The following KLF8 variants were observed in gnomAD, a reference collection of about 807,000 sequenced individuals.
The protein encoded by KLF8 is Krueppel-like factor 8.
A neutral mutation model predicts 18.2 loss-of-function variants in KLF8; 10 were observed. That is an observed-to-expected ratio of 0.55 (90% CI 0.34 to 0.93). The LOEUF (loss-of-function observed/expected upper bound fraction) is 0.93, where lower values mean the gene tolerates loss of function less well. Among genes scored for constraint, KLF8 ranks in the 40% least tolerant of loss-of-function variants. KLF8 has a pLI of 0.02. For missense variants in KLF8, 264 were observed against 277.9 expected (o/e 0.95, Z 0.36); for synonymous variants, 109 against 97.3 (o/e 1.12, Z -0.71).
chrX:56,003,812 A>G, the KLF8 span, among the ~76,000 whole-genome samples: 1 of 111,978 alleles, frequency 8.9e-6, no homozygotes, highest in Non-Finnish European at 1.9e-5. Context: ...ATGGGCTTCT[A>G]CTTCTTCTTA....
At chrX:55,994,923 T>C in the KLF8 span, among the ~76,000 whole-genome samples, 1 of 112,023 alleles carries the variant, frequency 8.9e-6, no homozygotes, top group South Asian at 3.7e-4. Context: ...TGAAGTCTGT[T>C]AGGTTCATTT....
the KLF8 span, among the ~76,000 whole-genome samples, chrX:56,125,112 C>T: frequency 8.9e-6 from 1 of 111,861 alleles, no homozygotes; most frequent in Non-Finnish European, 1.9e-5. Flanking sequence ...CTTTTTCCAC[C>T]TGCACTTTTA....
chrX:56,276,153 G>T (rs1369855809), intron 5 of KLF8, among the ~76,000 whole-genome samples: 3 of 92,140 alleles, frequency 3.3e-5, no homozygotes, highest in African/African-American at 1.2e-4. Flanking sequence ...CCCGCACCTC[G>T]CCCCCGAAAC....
the KLF8 span, among the ~76,000 whole-genome samples, chrX:56,077,563 A>C: frequency 8.9e-6 from 1 of 112,108 alleles, no homozygotes; most frequent in South Asian, 3.7e-4. Flanking sequence ...TATAGTTTGA[A>C]GTCAGGTAGC....
the KLF8 span, among the ~76,000 whole-genome samples, chrX:56,011,109 G>A: frequency 8.9e-6 from 1 of 111,958 alleles, no homozygotes; most frequent in Non-Finnish European, 1.9e-5. Context: ...CTTAGCTCTG[G>A]ATCAAGTGGA....
At chrX:56,001,761 G>T in the KLF8 span, among the ~76,000 whole-genome samples, 3 of 111,707 alleles carry the variant, frequency 2.7e-5, 1 homozygote, top group East Asian at 8.5e-4. Context: ...GTCACTCAAT[G>T]CTCACATGTC....
chrX:56,210,363 T>A, the KLF8 span, among the ~76,000 whole-genome samples: 58,690 of 110,681 alleles, frequency 0.53, 13,830 homozygotes, highest in Non-Finnish European at 0.74. Flanking sequence ...TTCATGCCAC[T>A]CTCTCCTGGC....
At chrX:55,927,873 A>G in the KLF8 span, among the ~76,000 whole-genome samples, 1 of 112,051 alleles carries the variant, frequency 8.9e-6, no homozygotes, top group Non-Finnish European at 1.9e-5. Flanking sequence ...GTTGCAGAGG[A>G]TACAACAGAG....
At chrX:56,199,588 C>T in the KLF8 span, among the ~76,000 whole-genome samples, 1 of 111,697 alleles carries the variant, frequency 9.0e-6, no homozygotes, top group South Asian at 3.7e-4. Flanking sequence ...AAAACAGATG[C>T]TGGAGAGGAC....
chrX:56,126,897 C>T, the KLF8 span, among the ~76,000 whole-genome samples: 12 of 108,664 alleles, frequency 1.1e-4, no homozygotes, highest in Admixed American at 6.9e-4. Context: ...GGATTACAGG[C>T]GCCTACCACC....
At chrX:55,947,276 G>A in the KLF8 span, among the ~76,000 whole-genome samples, 16 of 110,336 alleles carry the variant, frequency 1.5e-4, no homozygotes, top group Admixed American at 1.3e-3. Context: ...AGAAAATGTG[G>A]CACATATACA....
At chrX:56,263,991 A>T (rs1297382581) in intron 2 of KLF8, among the ~76,000 whole-genome samples, 1 of 112,278 alleles carries the variant, frequency 8.9e-6, no homozygotes, top group East Asian at 2.8e-4. Context: ...TATGTTTTAT[A>T]TAAAGGATGT....
the KLF8 span, among the ~76,000 whole-genome samples, chrX:56,080,024 T>G: frequency 5.4e-5 from 6 of 111,365 alleles, no homozygotes; most frequent in African/African-American, 2.0e-4. Context: ...CATCCTTCTA[T>G]TTTGAGCCTA....
At chrX:55,947,201 A>G in the KLF8 span, among the ~76,000 whole-genome samples, 78 of 111,078 alleles carry the variant, frequency 7.0e-4, no homozygotes, top group African/African-American at 2.4e-3. Context: ...TGTTTTTTGC[A>G]GCACTATTCA....
chrX:56,022,551 CAAAAA>C, the KLF8 span, among the ~76,000 whole-genome samples: 1 of 27,306 alleles, frequency 3.7e-5, no homozygotes. Flanking sequence ...TCTGTCTGAC[CAAAAA>C]AAAAAAAAAA....
At chrX:56,214,029 C>A in the KLF8 span, among the ~76,000 whole-genome samples, 1 of 111,482 alleles carries the variant, frequency 9.0e-6, no homozygotes, top group Non-Finnish European at 1.9e-5. Context: ...TCAGCCATCT[C>A]CAGCTGGACT....
At chrX:56,213,709 G>T in the KLF8 span, among the ~76,000 whole-genome samples, 1 of 111,093 alleles carries the variant, frequency 9.0e-6, no homozygotes, top group African/African-American at 3.3e-5. Context: ...GACAACATCT[G>T]GTGGGGGGTA....
chrX:55,950,580 C>T, the KLF8 span, among the ~76,000 whole-genome samples: 6 of 111,267 alleles, frequency 5.4e-5, no homozygotes, highest in African/African-American at 2.0e-4. Flanking sequence ...TATGCATGAA[C>T]GCTCTTTGCA....
At chrX:56,266,045 G>T (rs2066968713) in intron 3 of KLF8, 2 of 802,581 alleles carry the variant, frequency 2.5e-6, no homozygotes, top group East Asian at 7.0e-5. Context: ...TTTAAAATAT[G>T]ATTATCTTGT....
Sources: gnomAD v4.1 joint callset for allele counts (sites outside exome capture counted in the v4.1 genomes callset) on GRCh38, gnomAD v4.1.1 for gene constraint, MANE v1.5 for transcripts, NCBI Gene and HGNC (gene_info 2026-07-23, HGNC 2026-07-21) for gene names.